The following DNAJA2 variants were observed in gnomAD, a reference collection of about 807,000 sequenced individuals.
DNAJA2 encodes dnaJ homolog subfamily A member 2.
A neutral mutation model predicts 49.3 loss-of-function variants in DNAJA2; 6 were observed. That is an observed-to-expected ratio of 0.12 (90% CI 0.07 to 0.24). The LOEUF is 0.24. Ranked by LOEUF, DNAJA2 falls within the 10% of genes least tolerant of loss-of-function variation. The probability of loss-of-function intolerance (pLI) is 1.00; values close to 1 mark genes in which losing one functional copy is unlikely to be tolerated. For synonymous variants in DNAJA2, 160 were observed against 172.7 expected, an observed-to-expected ratio of 0.93 and a Z score of 0.58; for missense variants, 347 against 516.8, an observed-to-expected ratio of 0.67 and a Z score of 3.19.
In DNAJA2 at chr16:46,973,641, G is replaced by C. The variant is rs1281927089; in HGVS notation, c.-69C>G. Reference sequence around the variant, plus strand: ...ACAGAGCGGAGTCGGGCCCACAAGCGGCGTCGGCGGCGGCACAGGCCGAGG... The same window carrying C: ...ACAGAGCGGAGTCGGGCCCACAAGCCGCGTCGGCGGCGGCACAGGCCGAGG... On this transcript the variant is annotated 5_prime_UTR_variant, in exon 1 of 9. Transcript: ENST00000317089. The C allele has an allele frequency of 2.6e-6, 4 of 1,509,626 alleles. No homozygotes were observed. The East Asian group carries it at 7.7e-5, about 29-fold the overall frequency. The allele number at this position is 1,509,626 out of a possible 1,614,324, so 93.5% of individuals were successfully genotyped here.
intron 6 of DNAJA2, among the ~76,000 whole-genome samples, chr16:46,960,707 A>T (rs1961884308): frequency 6.6e-6 from 1 of 152,134 alleles, no homozygotes; most frequent in Non-Finnish European, 1.5e-5. Flanking sequence ...TGAACCTGGG[A>T]GGCGGAGGCT....
intron 3 of DNAJA2, among the ~76,000 whole-genome samples, chr16:46,970,850 C>T (rs1243990957): frequency 6.6e-6 from 1 of 150,436 alleles, no homozygotes; most frequent in African/African-American, 2.4e-5. Context: ...ACCAGCATGA[C>T]CAACATGGAG....
intron 6 of DNAJA2, among the ~76,000 whole-genome samples, chr16:46,960,215 T>A (rs1961875473): frequency 6.6e-6 from 1 of 152,210 alleles, no homozygotes; most frequent in Non-Finnish European, 1.5e-5. Context: ...GTTAAACCAT[T>A]ACCTTAACCA....
chr16:46,961,605 A>ACAGGAAGAGAT (rs1961896534), intron 6 of DNAJA2, among the ~76,000 whole-genome samples: 1 of 151,732 alleles, frequency 6.6e-6, no homozygotes, highest in Non-Finnish European at 1.5e-5. Flanking sequence ...AGAAAAGGGA[A>ACAGGAAGAGAT]CAGGAAGAGA....
chr16:46,962,158 C>A (rs1467392257), intron 6 of DNAJA2, among the ~76,000 whole-genome samples: 1 of 152,198 alleles, frequency 6.6e-6, no homozygotes, highest in Non-Finnish European at 1.5e-5. Context: ...AACACCTCCC[C>A]ACAGGCCCCA....
Position 46,973,614 on chromosome 16 carries a change from A to G in DNAJA2, c.-42T>C, listed in dbSNP as rs1317784978. 1 of 1,578,260 alleles carries G rather than the reference A, an allele frequency of 6.3e-7. No homozygotes were observed. Among genetic ancestry groups the G allele is most frequent in the Non-Finnish European group, 8.6e-7 (1 of 1,168,710 alleles). On this transcript the variant is annotated 5_prime_UTR_variant, in exon 1 of 9. Coordinates refer to ENST00000317089, the MANE Select transcript of DNAJA2 (RefSeq NM_005880.4). ...GTGCTCGGGGAGAAGGTGGCGAAGC[A>G]GACAGAGCGGAGTCGGGCCCACAAG...
chr16:46,961,829 A>G (rs1006156057), intron 6 of DNAJA2, among the ~76,000 whole-genome samples: 1 of 152,138 alleles, frequency 6.6e-6, no homozygotes, highest in Non-Finnish European at 1.5e-5. Flanking sequence ...GAAAACACTT[A>G]GAAGTCATAT....
chr16:46,969,801 A>C (rs930423173), intron 3 of DNAJA2, among the ~76,000 whole-genome samples: 1 of 152,378 alleles, frequency 6.6e-6, no homozygotes, highest in Non-Finnish European at 1.5e-5. Context: ...CTGAAATGTT[A>C]AAACAGCAGA....
rs1359505968 is a variant in DNAJA2 at position 46,971,433 on chromosome 16, C to T, written c.278G>A (p.Gly93Asp). The change falls in exon 3 of 9, where the codon GGT (glycine) becomes GAT (aspartate). Residue 93 changes from glycine to aspartate, a missense_variant. Physicochemically the swap from Gly to Asp is moderately conservative, Grantham distance 94 (BLOSUM62 -1). Coordinates refer to ENST00000317089, the MANE Select transcript of DNAJA2 (RefSeq NM_005880.4). ...GCCCATGAAGCCGAACAATCCCCCA[C>T]CAAAAATGTGAGAGAAAATATCATC... ...GMDDIFSHIF[G>D]GGLFGFMGNQ... 1 of 1,614,106 alleles carries T rather than the reference C, an allele frequency of 6.2e-7. No individual in the cohort carries two copies. Among genetic ancestry groups the T allele is most frequent in the Non-Finnish European group, 8.5e-7 (1 of 1,180,032 alleles).
chr16:46,966,166 G>A (rs978134774), intron 5 of DNAJA2, among the ~76,000 whole-genome samples: 1 of 152,208 alleles, frequency 6.6e-6, no homozygotes, highest in African/African-American at 2.4e-5. Context: ...GGGCGGTGGA[G>A]GCTGCGGTGA....
At chr16:46,967,063 A>G (rs576968003) in intron 5 of DNAJA2, among the ~76,000 whole-genome samples, 2 of 152,324 alleles carry the variant, frequency 1.3e-5, no homozygotes, top group South Asian at 4.1e-4. Context: ...GGGCTTAGGC[A>G]TAATGGAGTA....
chr16:46,957,338 T>C, intron 8 of DNAJA2, 118 bp from the exon 9 acceptor site: 2 of 977,002 alleles, frequency 2.0e-6, no homozygotes, highest in South Asian at 1.6e-5. Flanking sequence ...TGGTGGTTCA[T>C]GCTTATAATC....
At position 46,956,857 on chromosome 16, in the gene DNAJA2, G is replaced by A. The variant is rs1336698668; in HGVS notation, c.*172C>T. On this transcript the variant is annotated 3_prime_UTR_variant, in exon 9 of 9. Coordinates refer to ENST00000317089, the MANE Select transcript of DNAJA2 (RefSeq NM_005880.4). Reference sequence around the variant, plus strand: ...TCAAAATGAAGATGTAAAGCTTTGTGGTTAGTTTAAATTATACACTCTGTA... The same window carrying A: ...TCAAAATGAAGATGTAAAGCTTTGTAGTTAGTTTAAATTATACACTCTGTA... 3 of 692,166 alleles carry A rather than the reference G, an allele frequency of 4.3e-6. No individual in the cohort carries two copies. Among genetic ancestry groups the A allele is most frequent in the Non-Finnish European group, 5.0e-6 (2 of 403,238 alleles). The allele number at this position is 692,166 out of a possible 1,614,324, so 42.9% of individuals were successfully genotyped here. A position where few individuals can be genotyped will look rare whatever the true frequency, so the allele number is the denominator to read the frequency against.
intron 6 of DNAJA2, 70 bp downstream of exon 6, chr16:46,964,540 AC>A: frequency 6.8e-7 from 1 of 1,462,298 alleles, no homozygotes; most frequent in Admixed American, 2.2e-5. Flanking sequence ...AACAGATCTA[AC>A]CTATTTCTCA....
At chr16:46,962,519 T>C (rs555930309) in intron 6 of DNAJA2, among the ~76,000 whole-genome samples, 9 of 152,290 alleles carry the variant, frequency 5.9e-5, no homozygotes, top group African/African-American at 2.2e-4. Context: ...GCACTGTCTG[T>C]ACCATTTTAC....
rs909609991 is a variant in DNAJA2, at chr16:46,973,663, G to C, written c.-91C>G. ...AGCGGCGTCGGCGGCGGCACAGGCC[G>C]AGGGAGACAGCGAGGGGGAAGCGGG... On this transcript the variant is annotated 5_prime_UTR_variant, in exon 1 of 9. Coordinates refer to ENST00000317089, the MANE Select transcript of DNAJA2 (RefSeq NM_005880.4). The C allele has an allele frequency of 1.5e-5, 20 of 1,355,766 alleles. No homozygotes were observed. Among genetic ancestry groups the C allele is most frequent in the Non-Finnish European group, 1.9e-5 (19 of 989,312 alleles). 84.0% of individuals were successfully genotyped at this position (1,355,766 alleles called of 1,614,324 possible). A position where few individuals can be genotyped will look rare whatever the true frequency, so the allele number is the denominator to read the frequency against.
chr16:46,970,349 A>T (rs1371532576), intron 3 of DNAJA2, among the ~76,000 whole-genome samples: 6 of 152,258 alleles, frequency 3.9e-5, no homozygotes, highest in Admixed American at 3.9e-4. Context: ...GTTCACACTG[A>T]GGATCAAGTA....
Position 46,964,727 on chromosome 16 carries a change from G to A in DNAJA2, c.658C>T (p.His220Tyr). Residue 220 changes from histidine (H) to tyrosine (Y), a missense_variant, in exon 6 of 9, where the codon CAC (histidine) becomes TAC (tyrosine). Coordinates refer to ENST00000317089, the MANE Select transcript of DNAJA2 (RefSeq NM_005880.4). Reference protein sequence around the residue: ...VIKEVKILEVHVDKGMKHGQR... With the variant: ...VIKEVKILEVYVDKGMKHGQR... ...CCATGTTTCATGCCTTTGTCTACGT[G>A]GACTTCAAGAATCTTGACTTCTTTA... 6.2e-7 allele frequency: 1 copy of A among 1,613,986 alleles called. No homozygotes were observed. Among genetic ancestry groups the A allele is most frequent in the Non-Finnish European group, 8.5e-7 (1 of 1,179,986 alleles).
At position 46,957,105 on chromosome 16, in the gene DNAJA2, C is replaced by T. The variant is rs200288545; in HGVS notation, c.1163G>A (p.Arg388His). Residue 388 changes from arginine (R) to histidine (H), a missense_variant, in exon 9 of 9, where the codon CGT becomes CAT. Arg to His is a conservative substitution (Grantham distance 29). Coordinates refer to ENST00000317089, the MANE Select transcript of DNAJA2 (RefSeq NM_005880.4). ...ATCAGAGCTATCATTATAGGCTTCA[C>T]GCCTCTGACCACCTCCTGAGCCTCG... ...STRGSGGGQR[R>H]EAYNDSSDEE... 2.5e-4 allele frequency: 399 copies of T among 1,614,054 alleles called. No homozygotes were observed. Among genetic ancestry groups the T allele is most frequent in the Non-Finnish European group, 3.3e-4 (387 of 1,180,042 alleles).
Sources: allele counts gnomAD v4.1 joint callset (sites outside exome capture counted in the v4.1 genomes callset), GRCh38; gene constraint gnomAD v4.1.1; transcripts MANE v1.5; gene names NCBI Gene and HGNC (gene_info 2026-07-23, HGNC 2026-07-21).